The following NYAP2 variants were observed in gnomAD, a reference collection of about 807,000 sequenced individuals.
NYAP2 encodes the protein neuronal tyrosine-phosphorylated phosphoinositide-3-kinase adapter 2.
Under a neutral mutation model 50.4 loss-of-function variants are expected in NYAP2, and 23 were observed. The ratio of observed to expected loss-of-function variants is 0.46; its 90% confidence interval spans 0.33 to 0.65. The LOEUF (loss-of-function observed/expected upper bound fraction) is 0.65, where lower values mean the gene tolerates loss of function less well. Among genes scored for constraint, NYAP2 ranks in the 30% least tolerant of loss-of-function variants. The pLI is 0.02. For missense variants in NYAP2, 885 were observed against 861.0 expected (o/e 1.03, Z -0.35); for synonymous variants, 394 against 365.2 (o/e 1.08, Z -0.90).
At chr2:225,648,515 G>T (rs368829244) in intron 6 of NYAP2, among the ~76,000 whole-genome samples, 22 of 152,086 alleles carry the variant, frequency 1.4e-4, no homozygotes, top group East Asian at 7.7e-4. Context: ...GAGATTATGG[G>T]GAGGTTTCTG....
At chr2:225,491,451 A>C (rs767421396) in intron 3 of NYAP2, among the ~76,000 whole-genome samples, 12 of 152,154 alleles carry the variant, frequency 7.9e-5, no homozygotes, top group Non-Finnish European at 1.8e-4. Context: ...ATTTTTTTAA[A>C]TTATGGATTC....
At chr2:225,627,513 A>C (rs978986987) in intron 6 of NYAP2, among the ~76,000 whole-genome samples, 15 of 152,222 alleles carry the variant, frequency 9.9e-5, no homozygotes, top group African/African-American at 3.6e-4. Flanking sequence ...GCAACTGATA[A>C]AAAATGAACA....
At chr2:225,524,432 G>A (rs1691118166) in intron 4 of NYAP2, among the ~76,000 whole-genome samples, 1 of 152,092 alleles carries the variant, frequency 6.6e-6, no homozygotes, top group African/African-American at 2.4e-5. Flanking sequence ...TTGAGGGTGA[G>A]TCTGCCTTTC....
At chr2:225,683,010 T>TC in the NYAP2 span, among the ~76,000 whole-genome samples, 1,754 of 151,040 alleles carry the variant, frequency 0.012, 22 homozygotes, top group Admixed American at 0.048. Context: ...AATAGTCATT[T>TC]CCCCCCCCCA....
chr2:225,651,695 T>G (rs1693735526), exon 7 of NYAP2: 1 of 918,552 alleles, frequency 1.1e-6, no homozygotes, highest in Non-Finnish European at 1.6e-6. Flanking sequence ...GTTCTGGCAG[T>G]CTGTGTTTTC....
intron 3 of NYAP2, among the ~76,000 whole-genome samples, chr2:225,457,227 G>C (rs1689753533): frequency 6.6e-6 from 1 of 152,122 alleles, no homozygotes; most frequent in Admixed American, 6.5e-5. Context: ...TCTCTACTCA[G>C]TTCTGAAACT....
At chr2:225,413,731 T>C (rs1238309460) in intron 3 of NYAP2, among the ~76,000 whole-genome samples, 1 of 152,172 alleles carries the variant, frequency 6.6e-6, no homozygotes, top group Admixed American at 6.6e-5. Context: ...GCAATTTACA[T>C]TGAGTAGAGA....
rs1437084442 is a variant in NYAP2 at position 225,639,210 on chromosome 2, A to C, written c.1828+12084A>C. ...GATGCATATAAGATCCTGTATGTTCAAACAAACAGTTAAATTGACAAGTTT... is the reference window on the plus strand; with the variant it reads ...GATGCATATAAGATCCTGTATGTTCCAACAAACAGTTAAATTGACAAGTTT... On this transcript the variant is annotated intron_variant, in intron 6 of 6. Coordinates refer to ENST00000636099, the Ensembl canonical transcript of NYAP2. 3.3e-5 allele frequency among the ~76,000 whole-genome samples: 5 copies of C among 152,208 alleles called. No individual in the cohort carries two copies. In the East Asian group the frequency reaches 9.6e-4, roughly 29 times the overall value.
intron 6 of NYAP2, among the ~76,000 whole-genome samples, chr2:225,634,373 C>A (rs1693375754): frequency 6.6e-6 from 1 of 152,136 alleles, no homozygotes; most frequent in Non-Finnish European, 1.5e-5. Context: ...CCAGTATGAG[C>A]TAAAGACTAG....
chr2:225,696,865 A>T, the NYAP2 span, among the ~76,000 whole-genome samples: 23 of 151,938 alleles, frequency 1.5e-4, no homozygotes, highest in African/African-American at 5.3e-4. Context: ...TTTATTCATC[A>T]CTATGGGTTA....
chr2:225,594,472 G>A (rs192797176), intron 5 of NYAP2, among the ~76,000 whole-genome samples: 46 of 152,082 alleles, frequency 3.0e-4, no homozygotes, highest in South Asian at 2.7e-3. Context: ...ACAGTGAGCC[G>A]AGATCGTGCC....
Position 225,551,390 on chromosome 2 carries a change from A to C in NYAP2, c.524-30551A>C, listed in dbSNP as rs532636782. Among the ~76,000 whole-genome samples the C allele has an allele frequency of 5.3e-5, 8 of 152,358 alleles. No homozygotes were observed. The South Asian group carries it at 1.7e-3, about 32-fold the overall frequency. On this transcript the variant is annotated intron_variant, in intron 4 of 6. Transcript: ENST00000636099. ...AGACTGTTGAATCCCATAAGACTAC[A>C]TGAAGTGAGATGCTAGAGGTTGGAA...
intron 4 of NYAP2, among the ~76,000 whole-genome samples, chr2:225,521,908 C>G (rs1378833826): frequency 6.6e-6 from 1 of 152,054 alleles, no homozygotes; most frequent in Non-Finnish European, 1.5e-5. Context: ...TGGTCCTGGA[C>G]TCTTTTTTGT....
intron 5 of NYAP2, among the ~76,000 whole-genome samples, chr2:225,596,748 A>G (rs1240710015): frequency 6.6e-6 from 1 of 152,216 alleles, no homozygotes; most frequent in Non-Finnish European, 1.5e-5. Context: ...AGGAATATCA[A>G]TGGAGAATCC....
intron 3 of NYAP2, among the ~76,000 whole-genome samples, chr2:225,472,145 C>T (rs1690021304): frequency 6.6e-6 from 1 of 152,114 alleles, no homozygotes; most frequent in African/African-American, 2.4e-5. Flanking sequence ...GGATCTGAAC[C>T]CACCCAACCA....
At chr2:225,622,502 T>TTTTC (rs1400420568) in intron 5 of NYAP2, among the ~76,000 whole-genome samples, 1 of 23,992 alleles carries the variant, frequency 4.2e-5, no homozygotes, top group African/African-American at 8.1e-5. Context: ...ATTTTATTTC[T>TTTTC]TTTCTTTCTT....
chr2:225,536,008 T>C (rs1249830139), intron 4 of NYAP2, among the ~76,000 whole-genome samples: 1 of 152,208 alleles, frequency 6.6e-6, no homozygotes, highest in Non-Finnish European at 1.5e-5. Context: ...TTTCTTGCAA[T>C]TCAAAAGATT....
At chr2:225,547,937 T>C (rs1691613025) in intron 4 of NYAP2, among the ~76,000 whole-genome samples, 1 of 152,170 alleles carries the variant, frequency 6.6e-6, no homozygotes, top group South Asian at 2.1e-4. Flanking sequence ...GTTCTTTATA[T>C]CCCTACTATA....
chr2:225,606,861 T>C (rs989108066), intron 5 of NYAP2, among the ~76,000 whole-genome samples: 3 of 152,242 alleles, frequency 2.0e-5, no homozygotes, highest in Non-Finnish European at 4.4e-5. Flanking sequence ...TTGCTTCTCC[T>C]AGAGCTTGGC....
Sources: allele counts gnomAD v4.1 joint callset (sites outside exome capture counted in the v4.1 genomes callset), GRCh38; gene constraint gnomAD v4.1.1; transcripts MANE v1.5; gene names NCBI Gene and HGNC (gene_info 2026-07-23, HGNC 2026-07-21).